Variants in UGT1A3 observed in about 807,000 individuals in gnomAD.
UGT1A3 encodes UDP-glucuronosyltransferase 1A3.
Under a neutral mutation model 41.0 loss-of-function variants are expected in UGT1A3, and 31 were observed. The observed-to-expected ratio is 0.76, with a 90% CI of 0.57 to 1.02. The LOEUF is 1.02. UGT1A3 is among the 50% of genes least tolerant of loss of function. The pLI, the probability that UGT1A3 is intolerant of heterozygous loss-of-function variation, is 0.00. For missense variants in UGT1A3, 737 were observed against 671.0 expected (o/e 1.10, Z -1.09); for synonymous variants, 262 against 257.6 (o/e 1.02, Z -0.17).
At position 233,729,531 on chromosome 2, in the gene UGT1A3, G is replaced by A. The variant is rs757870746; in HGVS notation, c.405G>A (p.Glu135=). Residue 135 remains glutamate (E), a synonymous_variant, in exon 1 of 5, where the codon GAG becomes GAA. Transcript: ENST00000482026. ...CTTGTGTGGAGCTACTACATAATGA[G>A]GCCCTGATCAGGCACCTGAATGCTA... ...HRSCVELLHN[E]ALIRHLNATS... is the part of the protein sequence containing the mutation. 11 of 1,614,140 alleles carry A rather than the reference G, an allele frequency of 6.8e-6. No individual in the cohort carries two copies. Among genetic ancestry groups the A allele is most frequent in the Non-Finnish European group, 9.3e-6 (11 of 1,180,044 alleles).
In UGT1A3 at chr2:233,757,562, G is replaced by GTATATATATATATATATATATA. The variant is rs1491042837; in HGVS notation, c.868-9465_868-9464insATATATATATATATATATATAT. Among the ~76,000 whole-genome samples, 15 of 90,888 alleles carry GTATATATATATATATATATATA rather than the reference G, an allele frequency of 1.7e-4. 1 individual carries two copies. The highest frequency in any genetic ancestry group is 7.2e-4 in the African/African-American group (14 of 19,524). The allele number at this position is 90,888 out of a possible 152,430, so 59.6% of individuals were successfully genotyped here. On this transcript the variant is annotated intron_variant, in intron 1 of 4. Transcript: ENST00000482026. The stretch of plus-strand genomic sequence containing the variant: ...TATATATATATATATATATATATAT[G>GTATATATATATATATATATATA]TATATATGATATAGCTATAGTCTAA...
In UGT1A3 at chr2:233,772,286, C is replaced by T. The variant is rs1559419792; in HGVS notation, c.1332C>T (p.Leu444=). ...DKSYKENIMR[L]SSLHKDRPVE... ...GTTACAAGGAGAACATCATGCGCCT[C>T]TCCAGCCTTCACAAGGACCGCCCGG... The change falls in exon 5 of 5, where the codon CTC becomes CTT. Residue 444 remains leucine, a synonymous_variant. Transcript: ENST00000482026. 1 of 1,614,248 alleles carries T rather than the reference C, an allele frequency of 6.2e-7. No homozygotes were observed. The highest frequency in any genetic ancestry group is 8.5e-7 in the Non-Finnish European group (1 of 1,180,054).
intron 1 of UGT1A3, among the ~76,000 whole-genome samples, chr2:233,736,630 T>C (rs2078786520): frequency 1.3e-5 from 2 of 152,252 alleles, no homozygotes; most frequent in African/African-American, 4.8e-5. Flanking sequence ...TTTTCTGCTC[T>C]AGTTTCCCCC....
chr2:233,753,025 CA>C (rs2125918346), intron 1 of UGT1A3, among the ~76,000 whole-genome samples: 1 of 152,200 alleles, frequency 6.6e-6, no homozygotes, highest in South Asian at 2.1e-4. Flanking sequence ...ATTTACAACA[CA>C]AAAAACTACC....
At position 233,734,864 on chromosome 2, in the gene UGT1A3, C is replaced by T. The variant is rs1375585915; in HGVS notation, c.867+4871C>T. 3.3e-5 allele frequency among the ~76,000 whole-genome samples: 5 copies of T among 152,224 alleles called. No individual in the cohort carries two copies. In the East Asian group the frequency reaches 9.6e-4, roughly 29 times the overall value. ...AATCCAGAGTTCTAATTTGACTGCA[C>T]TATGGTCTGAGAGACAGTTTGTTGT... is the stretch of plus-strand genomic sequence containing the variant. On this transcript the variant is annotated intron_variant, in intron 1 of 4. Coordinates refer to ENST00000482026, the MANE Select transcript of UGT1A3 (RefSeq NM_019093.4).
intron 3 of UGT1A3, 132 bp downstream of exon 3, chr2:233,768,068 A>G: frequency 1.3e-6 from 2 of 1,596,810 alleles, no homozygotes; most frequent in Admixed American, 3.5e-5. Flanking sequence ...CTTTTTATCT[A>G]GTGGGGTATC....
intron 1 of UGT1A3, chr2:233,760,404 C>T (rs1211296854): frequency 1.2e-6 from 2 of 1,614,220 alleles, no homozygotes; most frequent in Non-Finnish European, 8.5e-7. Flanking sequence ...ATGGCAGCCA[C>T]TGGCTGAGCA....
rs766281304 is a variant in UGT1A3 at position 233,769,518 on chromosome 2, T to C, written c.1307+1079T>C. On this transcript the variant is annotated intron_variant, in intron 4 of 4. Coordinates refer to ENST00000482026, the MANE Select transcript of UGT1A3 (RefSeq NM_019093.4). This position sits in a 1 kb window ranked among gnomAD's most constrained non-coding sequence, Gnocchi z 4.4. ...GAGTGTCCATTGCTTTCTCCCATGG[T>C]TACCTCCTTTAGAAAGAAGCAGCAG... The C allele has an allele frequency of 1.2e-6, 2 of 1,612,876 alleles. No homozygotes were observed. Among genetic ancestry groups the C allele is most frequent in the South Asian group, 2.2e-5 (2 of 91,072 alleles).
At position 233,772,516 on chromosome 2, in the gene UGT1A3, A is replaced by G. The variant is rs1559420819; in HGVS notation, c.1562A>G (p.Lys521Arg). 3 of 1,614,208 alleles carry G rather than the reference A, an allele frequency of 1.9e-6. No homozygotes were observed. Among genetic ancestry groups the G allele is most frequent in the East Asian group, 2.2e-5 (1 of 44,880 alleles). ...TATGGCTACCGGAAATGCTTGGGGAAAAAAGGGCGAGTTAAGAAAGCCCAC... is the reference window on the plus strand; with the variant it reads ...TATGGCTACCGGAAATGCTTGGGGAGAAAAGGGCGAGTTAAGAAAGCCCAC... ...CAYGYRKCLGKKGRVKKAHKS... is the reference protein window; with the variant it reads ...CAYGYRKCLGRKGRVKKAHKS... The change falls in exon 5 of 5, where the codon AAA becomes AGA. Residue 521 changes from lysine (K) to arginine (R), a missense_variant. Transcript: ENST00000482026.
intron 1 of UGT1A3, among the ~76,000 whole-genome samples, chr2:233,761,978 G>A (rs947618547): frequency 6.6e-6 from 1 of 152,138 alleles, no homozygotes; most frequent in Non-Finnish European, 1.5e-5. Flanking sequence ...TATCACCTTC[G>A]GAGGTGACCT....
intron 1 of UGT1A3, among the ~76,000 whole-genome samples, chr2:233,757,306 A>AG (rs1394181032): frequency 1.3e-4 from 1 of 7,676 alleles, no homozygotes. Flanking sequence ...GTTGGGGGAC[A>AG]GGGGGGCTGG....
intron 1 of UGT1A3, chr2:233,760,456 A>T (rs1341101614): frequency 6.2e-7 from 1 of 1,614,230 alleles, no homozygotes; most frequent in Non-Finnish European, 8.5e-7. Flanking sequence ...GGGACATGAA[A>T]TAGTTGTCCT....
Position 233,768,449 on chromosome 2 carries a change from A to T in UGT1A3, c.1307+10A>T, listed in dbSNP as rs757647919. 6.2e-7 allele frequency: 1 copy of T among 1,611,702 alleles called. No individual in the cohort carries two copies. The highest frequency in any genetic ancestry group is 8.5e-7 in the Non-Finnish European group (1 of 1,178,666). On this transcript the variant is annotated intron_variant, in intron 4 of 4. Coordinates refer to ENST00000482026, the MANE Select transcript of UGT1A3 (RefSeq NM_019093.4). ...TCATCAATGACAAAAGGTAAGAAAG[A>T]AGATACAGAAGAATACTTTGGTCAT...
intron 1 of UGT1A3, chr2:233,760,930 A>T: frequency 6.2e-7 from 1 of 1,614,176 alleles, no homozygotes; most frequent in East Asian, 2.2e-5. Context: ...GAACATGCTC[A>T]TTGCCTTTTC....
At chr2:233,760,178 T>C in intron 1 of UGT1A3, 1 of 1,545,848 alleles carries the variant, frequency 6.5e-7, no homozygotes, top group Non-Finnish European at 8.7e-7. Flanking sequence ...CTGACAGCTT[T>C]TTATAGTCAC....
chr2:233,748,190 C>T (rs1370576625), intron 1 of UGT1A3: 2 of 1,559,306 alleles, frequency 1.3e-6, no homozygotes, highest in South Asian at 1.2e-5. Flanking sequence ...GCTTTTATTT[C>T]TGCTTGTCGT....
intron 1 of UGT1A3, 109 bp downstream of exon 1, chr2:233,730,102 T>C (rs972272241): frequency 1.9e-6 from 3 of 1,578,724 alleles, no homozygotes; most frequent in East Asian, 2.3e-5. Context: ...AAATATTTCA[T>C]TTCTGCTTCT....
At chr2:233,745,085 C>G (rs1165304502) in intron 1 of UGT1A3, among the ~76,000 whole-genome samples, 3 of 151,730 alleles carry the variant, frequency 2.0e-5, no homozygotes, top group East Asian at 3.8e-4. Flanking sequence ...TTTCATTGCT[C>G]TTCCCCCCAA....
rs548796271 is a variant in UGT1A3, at chr2:233,768,515, C to A, written c.1307+76C>A. 220 of 1,546,098 alleles carry A rather than the reference C, an allele frequency of 1.4e-4. No individual in the cohort carries two copies. In the African/African-American group the frequency reaches 2.5e-3, roughly 18 times the overall value. ...ATTGTTTCAAATATGAAAACATTTA[C>A]GTAGCATTTAATAGCGTTGTTTCAA... On this transcript the variant is annotated intron_variant, in intron 4 of 4. Transcript: ENST00000482026.
Sources: allele counts gnomAD v4.1 joint callset (sites outside exome capture counted in the v4.1 genomes callset), GRCh38; gene constraint gnomAD v4.1.1; non-coding constraint Gnocchi (gnomAD v3.1); transcripts MANE v1.5; gene names NCBI Gene and HGNC (gene_info 2026-07-23, HGNC 2026-07-21).